The following MAML2 variants were observed in gnomAD, a reference collection of about 807,000 sequenced individuals.
MAML2 encodes the protein mastermind-like protein 2.
MAML2 carries 22 observed loss-of-function variants against 96.1 expected under a neutral mutation model. The ratio of observed to expected loss-of-function variants is 0.23; its 90% confidence interval spans 0.16 to 0.33. The LOEUF is 0.33. MAML2 is among the 10% of genes least tolerant of loss of function. The pLI, the probability that MAML2 is intolerant of heterozygous loss-of-function variation, is 1.00. For missense variants in MAML2, 1,367 were observed against 1,392.4 expected (o/e 0.98, Z 0.29); for synonymous variants, 561 against 521.3 (o/e 1.08, Z -1.04).
chr11:96,245,786 C>A (rs1202801341), intron 1 of MAML2, among the ~76,000 whole-genome samples: 3 of 151,018 alleles, frequency 2.0e-5, no homozygotes, highest in African/African-American at 7.3e-5. Context: ...CTCACTGCAA[C>A]CTCTGCCTCC....
intron 1 of MAML2, among the ~76,000 whole-genome samples, chr11:96,157,759 T>G (rs1048994560): frequency 6.6e-6 from 1 of 152,242 alleles, no homozygotes; most frequent in African/African-American, 2.4e-5. Flanking sequence ...AGATAAAGCT[T>G]GTACATGTGG....
At chr11:96,071,563 G>A (rs1331849218) in intron 2 of MAML2, among the ~76,000 whole-genome samples, 1 of 152,212 alleles carries the variant, frequency 6.6e-6, no homozygotes, top group African/African-American at 2.4e-5. Context: ...CTGGGGTATA[G>A]TTGAGGGTTA....
At chr11:96,183,565 A>AT (rs34011797) in intron 1 of MAML2, among the ~76,000 whole-genome samples, 2,506 of 144,322 alleles carry the variant, frequency 0.017, 27 homozygotes, top group Middle Eastern at 0.037. Context: ...ACCCAGCTAG[A>AT]TTTTTTTTTT....
At chr11:96,087,092 G>A (rs1349322517) in intron 2 of MAML2, among the ~76,000 whole-genome samples, 1 of 152,156 alleles carries the variant, frequency 6.6e-6, no homozygotes, top group African/African-American at 2.4e-5. Flanking sequence ...TGATCTTTCT[G>A]AGCATCAGTG....
intron 1 of MAML2, among the ~76,000 whole-genome samples, chr11:96,298,693 G>A (rs1314255379): frequency 6.7e-6 from 1 of 148,466 alleles, no homozygotes; most frequent in Admixed American, 6.8e-5. Context: ...CTATGTATAT[G>A]TGTGTATGTG....
intron 1 of MAML2, among the ~76,000 whole-genome samples, chr11:96,229,617 C>G (rs1862262630): frequency 6.6e-6 from 1 of 150,448 alleles, no homozygotes; most frequent in African/African-American, 2.5e-5. Context: ...GGTGCCTTGA[C>G]TACATATCGA....
chr11:96,155,851 G>A (rs1382458859), intron 1 of MAML2, among the ~76,000 whole-genome samples: 1 of 152,020 alleles, frequency 6.6e-6, no homozygotes, highest in East Asian at 1.9e-4. Flanking sequence ...GTCGCCTGAT[G>A]TGTGTCTGGG....
At chr11:96,017,411 C>A (rs1296031412) in intron 2 of MAML2, among the ~76,000 whole-genome samples, 1 of 151,142 alleles carries the variant, frequency 6.6e-6, no homozygotes, top group African/African-American at 2.4e-5. Context: ...CCCTCCCTCC[C>A]TTCCTTCCTT....
At chr11:96,116,827 A>C (rs1169250894) in intron 1 of MAML2, among the ~76,000 whole-genome samples, 1 of 152,258 alleles carries the variant, frequency 6.6e-6, no homozygotes. Context: ...AGTATCTACT[A>C]AGTGCAAAGT....
chr11:96,215,939 C>T (rs2082345985), intron 1 of MAML2, among the ~76,000 whole-genome samples: 1 of 152,084 alleles, frequency 6.6e-6, no homozygotes, highest in African/African-American at 2.4e-5. Flanking sequence ...GACTTCCAAA[C>T]ACATTTCAAA....
chr11:96,221,499 A>C (rs1862136558), intron 1 of MAML2, among the ~76,000 whole-genome samples: 1 of 152,016 alleles, frequency 6.6e-6, no homozygotes, highest in Non-Finnish European at 1.5e-5. Flanking sequence ...GAGGTTAGAG[A>C]CCCCACCTTT....
intron 1 of MAML2, among the ~76,000 whole-genome samples, chr11:96,182,870 T>A (rs1480041540): frequency 6.6e-6 from 1 of 152,204 alleles, no homozygotes; most frequent in Non-Finnish European, 1.5e-5. Context: ...AACAGAGTTT[T>A]TTTTTGTTGT....
chr11:96,081,506 C>T (rs1859529175), intron 2 of MAML2, among the ~76,000 whole-genome samples: 1 of 143,138 alleles, frequency 7.0e-6, no homozygotes, highest in Admixed American at 7.1e-5. Flanking sequence ...GTATGGTTTT[C>T]ATATATTTAA....
intron 1 of MAML2, among the ~76,000 whole-genome samples, chr11:96,171,216 T>C (rs1486528609): frequency 6.6e-6 from 1 of 152,144 alleles, no homozygotes; most frequent in African/African-American, 2.4e-5. Context: ...TATCAGATTG[T>C]ATGTGAGCTG....
At chr11:96,089,323 T>C (rs1859668384) in intron 2 of MAML2, among the ~76,000 whole-genome samples, 1 of 152,162 alleles carries the variant, frequency 6.6e-6, no homozygotes, top group South Asian at 2.1e-4. Flanking sequence ...CAAATACAAG[T>C]TGCTTCCCAA....
intron 1 of MAML2, among the ~76,000 whole-genome samples, chr11:96,227,408 T>A (rs1862229212): frequency 6.6e-6 from 1 of 152,204 alleles, no homozygotes; most frequent in South Asian, 2.1e-4. Context: ...TACTGTAAGT[T>A]TCATGCCAAG....
chr11:96,321,769 A>G (rs1440570454), intron 1 of MAML2, among the ~76,000 whole-genome samples: 1 of 152,208 alleles, frequency 6.6e-6, no homozygotes, highest in African/African-American at 2.4e-5. Flanking sequence ...GGCCAACACT[A>G]TTCCCTCCAC....
intron 1 of MAML2, among the ~76,000 whole-genome samples, chr11:96,312,089 G>A (rs1006921439): frequency 6.6e-5 from 10 of 151,772 alleles, no homozygotes; most frequent in African/African-American, 2.2e-4. Context: ...CATGATAGCA[G>A]GGGCCTGTAA....
rs149814988 is a variant in MAML2 at position 96,039,080 on chromosome 11, G to C, written c.2140-47357C>G. The stretch of plus-strand genomic sequence containing the variant: ...AGCTTAGGCAACATAGTGAGACCCT[G>C]TCTACACAAAAATGTTTTTAAAGAA... On this transcript the variant is annotated intron_variant, in intron 2 of 4. Transcript: ENST00000524717. Among the ~76,000 whole-genome samples the C allele has an allele frequency of 1.8e-3, 281 of 152,188 alleles. 2 individuals are homozygous for C. The highest frequency in any genetic ancestry group is 3.9e-3 in the Admixed American group (59 of 15,280).
Sources: gnomAD v4.1 joint callset for allele counts (sites outside exome capture counted in the v4.1 genomes callset) on GRCh38, gnomAD v4.1.1 for gene constraint, MANE v1.5 for transcripts, NCBI Gene and HGNC (gene_info 2026-07-23, HGNC 2026-07-21) for gene names.